Variants in MRRF observed in about 807,000 individuals in gnomAD.
The protein encoded by MRRF is mitochondrial ribosome recycling factor.
A neutral mutation model predicts 25.1 loss-of-function variants in MRRF; 18 were observed. The observed-to-expected ratio is 0.72, with a 90% CI of 0.50 to 1.06. The LOEUF (loss-of-function observed/expected upper bound fraction) is 1.06. MRRF is among the 50% of genes least tolerant of loss of function. The pLI, the probability that MRRF is intolerant of heterozygous loss-of-function variation, is 0.00. For missense variants in MRRF, 323 were observed against 319.3 expected (o/e 1.01, Z -0.09); for synonymous variants, 113 against 112.1 (o/e 1.01, Z -0.05).
intron 5 of MRRF, among the ~76,000 whole-genome samples, chr9:122,303,604 T>A (rs377201018): frequency 1.3e-5 from 2 of 152,126 alleles, no homozygotes; most frequent in African/African-American, 4.8e-5. Flanking sequence ...TTTCTTGAGC[T>A]CCTGGGCTCA....
intron 6 of MRRF, among the ~76,000 whole-genome samples, chr9:122,318,933 C>T (rs992818993): frequency 1.3e-5 from 2 of 152,092 alleles, no homozygotes; most frequent in East Asian, 1.9e-4. Flanking sequence ...AGTAATTGTT[C>T]GCCCTGTTTC....
intron 5 of MRRF, among the ~76,000 whole-genome samples, chr9:122,306,361 T>G (rs1283644079): frequency 6.6e-6 from 1 of 152,174 alleles, no homozygotes; most frequent in Non-Finnish European, 1.5e-5. Flanking sequence ...TGTTTAATCC[T>G]CACAATAATT....
intron 1 of MRRF, among the ~76,000 whole-genome samples, chr9:122,268,083 G>A (rs1239884445): frequency 1.3e-5 from 2 of 152,286 alleles, no homozygotes; most frequent in East Asian, 3.9e-4. Flanking sequence ...CTTTATCTGT[G>A]CTGAACTGAA....
At chr9:122,301,900 A>ATTTT (rs563268615) in intron 5 of MRRF, among the ~76,000 whole-genome samples, 2 of 141,100 alleles carry the variant, frequency 1.4e-5, no homozygotes, top group Non-Finnish European at 3.1e-5. Context: ...CACCCGGCTA[A>ATTTT]TTTTTTTTTT....
At chr9:122,316,733 T>C (rs1482535927) in intron 6 of MRRF, among the ~76,000 whole-genome samples, 1 of 152,034 alleles carries the variant, frequency 6.6e-6, no homozygotes, top group African/African-American at 2.4e-5. Flanking sequence ...AAGTAATATA[T>C]GTTCATTGGA....
intron 3 of MRRF, among the ~76,000 whole-genome samples, chr9:122,284,123 G>T (rs1833241493): frequency 6.6e-6 from 1 of 152,004 alleles, no homozygotes; most frequent in African/African-American, 2.4e-5. Flanking sequence ...AAAATTACAA[G>T]CTTCCCCAAA....
At position 122,331,251 on chromosome 9, in the gene MRRF, A is replaced by G. The variant is rs915097986; in HGVS notation, c.*8634A>G. ...GTAATGTAGCAAATGTTTTTATAAA[A>G]GTGTTAATTTAAATTAACGGACTAT... On this transcript the variant is annotated 3_prime_UTR_variant, in exon 7 of 7. Transcript: ENST00000344641. 6.6e-6 allele frequency: 1 copy of G among 152,220 alleles called. No homozygotes were observed. Among genetic ancestry groups the G allele is most frequent in the Non-Finnish European group, 1.5e-5 (1 of 68,048 alleles). The allele number at this position is 152,220 out of a possible 1,614,324, so 9.4% of individuals were successfully genotyped here.
At chr9:122,275,822 A>G (rs1365728049) in intron 2 of MRRF, among the ~76,000 whole-genome samples, 1 of 152,164 alleles carries the variant, frequency 6.6e-6, no homozygotes, top group Non-Finnish European at 1.5e-5. Flanking sequence ...ACACCCATAC[A>G]TGCACCCACA....
intron 2 of MRRF, among the ~76,000 whole-genome samples, chr9:122,280,211 T>C (rs1262680671): frequency 6.6e-6 from 1 of 152,234 alleles, no homozygotes; most frequent in Non-Finnish European, 1.5e-5. Context: ...ATAGCCAGAC[T>C]TCTAACCTGG....
Position 122,322,701 on chromosome 9 carries a change from C to A in MRRF, c.*84C>A. ...CACATTGGGACTTCTCTCCCTCCCC[C>A]ATCTACACAGAAGACTGTCACCATG... On this transcript the variant is annotated 3_prime_UTR_variant, in exon 7 of 7. Coordinates refer to ENST00000344641, the MANE Select transcript of MRRF (RefSeq NM_138777.5). The A allele has an allele frequency of 8.3e-7, 1 of 1,200,422 alleles. No individual in the cohort carries two copies. Among genetic ancestry groups the A allele is most frequent in the South Asian group, 1.3e-5 (1 of 79,570 alleles). The allele number at this position is 1,200,422 out of a possible 1,614,324, so 74.4% of individuals were successfully genotyped here. A position where few individuals can be genotyped will look rare whatever the true frequency, so the allele number is the denominator to read the frequency against.
In MRRF at chr9:122,265,701, G is replaced by C. The variant is rs781518152; in HGVS notation, c.-29+763G>C. The C allele has an allele frequency of 1.3e-5, 16 of 1,238,184 alleles. No individual in the cohort carries two copies. In the South Asian group the frequency reaches 2.0e-4, roughly 15 times the overall value. The allele number at this position is 1,238,184 out of a possible 1,614,324, so 76.7% of individuals were successfully genotyped here. On this transcript the variant is annotated intron_variant, in intron 1 of 6. Transcript: ENST00000344641. ...AGAAATCACTTGGTACAAGTCACAA[G>C]TCAGTGGTAGAGCTGCCGCAAATGC...
intron 4 of MRRF, among the ~76,000 whole-genome samples, chr9:122,287,342 TG>T (rs1425149646): frequency 6.6e-6 from 1 of 152,230 alleles, no homozygotes; most frequent in Admixed American, 6.5e-5. Flanking sequence ...GATGAATACC[TG>T]TTATTAGGTT....
At chr9:122,288,199 A>C (rs543608614) in intron 4 of MRRF, among the ~76,000 whole-genome samples, 1 of 152,194 alleles carries the variant, frequency 6.6e-6, no homozygotes, top group Non-Finnish European at 1.5e-5. Context: ...AAAGAAGGGA[A>C]TAAAAACCAC....
At chr9:122,269,288 A>G (rs1832309550) in intron 1 of MRRF, among the ~76,000 whole-genome samples, 1 of 152,110 alleles carries the variant, frequency 6.6e-6, no homozygotes, top group Non-Finnish European at 1.5e-5. Context: ...GGTTATTTTT[A>G]TCATTGATGA....
At chr9:122,286,643 T>C (rs1564485710) in intron 4 of MRRF, among the ~76,000 whole-genome samples, 3 of 152,090 alleles carry the variant, frequency 2.0e-5, no homozygotes, top group Non-Finnish European at 2.9e-5. Flanking sequence ...AGTCCGGGAG[T>C]TTGAAGCTGC....
chr9:122,328,316 T>C lies in MRRF; in HGVS notation c.*5699T>C, dbSNP rs1339452317. On this transcript the variant is annotated 3_prime_UTR_variant, in exon 7 of 7. Coordinates refer to ENST00000344641, the MANE Select transcript of MRRF (RefSeq NM_138777.5). ...ACAGTTCAGTAGCATTTAGTACATT[T>C]ACATTGTTGTACAACCATCCTCCAG... 6.6e-6 allele frequency: 1 copy of C among 152,214 alleles called. No homozygotes were observed. The highest frequency in any genetic ancestry group is 2.4e-5 in the African/African-American group (1 of 41,462). The allele number at this position is 152,214 out of a possible 1,614,324, so 9.4% of individuals were successfully genotyped here.
intron 5 of MRRF, among the ~76,000 whole-genome samples, chr9:122,292,226 T>C (rs946785837): frequency 6.6e-6 from 1 of 152,180 alleles, no homozygotes; most frequent in African/African-American, 2.4e-5. Context: ...GAAGACTCTT[T>C]ATGCAGGTAA....
At chr9:122,314,902 A>C (rs1285856189) in intron 6 of MRRF, among the ~76,000 whole-genome samples, 1 of 152,194 alleles carries the variant, frequency 6.6e-6, no homozygotes, top group Non-Finnish European at 1.5e-5. Context: ...CATCCACAAT[A>C]AAGCATTGTT....
In MRRF at chr9:122,271,023, C is replaced by T. The variant is rs776494424; in HGVS notation, c.132C>T (p.Tyr44=). ...VHERQHGHRQ[Y]MAYSAVPVRH... ...AAAGACAACATGGCCATAGGCAATA[C>T]ATGGCCTATTCAGCTGTACCAGTCC... The change falls in exon 2 of 7, where the codon TAC becomes TAT. Residue 44 remains tyrosine (Y), a synonymous_variant. Transcript: ENST00000344641. The T allele has an allele frequency of 1.2e-6, 2 of 1,614,064 alleles. No homozygotes were observed. The highest frequency in any genetic ancestry group is 1.7e-6 in the Non-Finnish European group (2 of 1,180,008).
Sources: allele counts gnomAD v4.1 joint callset (sites outside exome capture counted in the v4.1 genomes callset), GRCh38; gene constraint gnomAD v4.1.1; transcripts MANE v1.5; gene names NCBI Gene and HGNC (gene_info 2026-07-23, HGNC 2026-07-21).